GMDS: variants seen among roughly 807,000 people sequenced by gnomAD.
GMDS encodes the protein GDP-mannose 4,6-dehydratase.
GMDS carries 20 observed loss-of-function variants against 49.9 expected under a neutral mutation model. The observed-to-expected ratio is 0.40, with a 90% CI of 0.28 to 0.58. GMDS has a LOEUF of 0.58. Among genes scored for constraint, GMDS ranks in the 20% least tolerant of loss-of-function variants. The pLI is 0.42. For missense variants in GMDS, 362 were observed against 481.4 expected (o/e 0.75, Z 2.32); for synonymous variants, 177 against 178.6 (o/e 0.99, Z 0.07).
chr6:2,141,804 C>T (rs572328625), intron 1 of GMDS, among the ~76,000 whole-genome samples: 1 of 152,110 alleles, frequency 6.6e-6, no homozygotes, highest in South Asian at 2.1e-4. Flanking sequence ...AGGCCACTGA[C>T]TCAGCACGGC....
chr6:2,204,547 C>G (rs1362149623), intron 1 of GMDS, among the ~76,000 whole-genome samples: 1 of 152,160 alleles, frequency 6.6e-6, no homozygotes, highest in Non-Finnish European at 1.5e-5. Flanking sequence ...AGCTACTAAC[C>G]ACAAGTGGCT....
At chr6:2,102,266 A>G (rs1434753780) in intron 4 of GMDS, among the ~76,000 whole-genome samples, 1 of 152,182 alleles carries the variant, frequency 6.6e-6, no homozygotes, top group Non-Finnish European at 1.5e-5. Flanking sequence ...GCCCATTTAA[A>G]AATTATAAGC....
intron 1 of GMDS, among the ~76,000 whole-genome samples, chr6:2,242,924 G>A (rs2127603400): frequency 6.6e-6 from 1 of 152,310 alleles, no homozygotes; most frequent in African/African-American, 2.4e-5. Flanking sequence ...ACACCACAGT[G>A]CTCCAGAGAT....
At chr6:1,711,989 A>G (rs7746883) in intron 9 of GMDS, among the ~76,000 whole-genome samples, 37,174 of 151,984 alleles carry the variant, frequency 0.24, 5,104 homozygotes, top group African/African-American at 0.37. Context: ...ATTAACACCC[A>G]ACACTTCTCC....
chr6:2,239,103 C>T (rs1004225634), intron 1 of GMDS, among the ~76,000 whole-genome samples: 4 of 152,024 alleles, frequency 2.6e-5, no homozygotes, highest in South Asian at 2.1e-4. Flanking sequence ...CCAAGGTGGG[C>T]GGATGACTTG....
intron 4 of GMDS, among the ~76,000 whole-genome samples, chr6:2,102,741 C>T (rs933152051): frequency 2.0e-5 from 3 of 152,150 alleles, no homozygotes; most frequent in Admixed American, 1.3e-4. Context: ...CAAAAATGAC[C>T]TATAAAGAAA....
intron 7 of GMDS, among the ~76,000 whole-genome samples, chr6:1,824,630 C>A (rs1212225747): frequency 6.6e-6 from 1 of 152,036 alleles, no homozygotes; most frequent in Non-Finnish European, 1.5e-5. Flanking sequence ...GGATCCAAAC[C>A]CCAGCTCCAC....
chr6:1,868,855 A>G (rs1758573796), intron 7 of GMDS, among the ~76,000 whole-genome samples: 1 of 152,258 alleles, frequency 6.6e-6, no homozygotes, highest in South Asian at 2.1e-4. Flanking sequence ...ATTATTTGAA[A>G]TCAGAAAATT....
intron 7 of GMDS, among the ~76,000 whole-genome samples, chr6:1,825,197 T>C (rs1344863206): frequency 6.6e-6 from 1 of 152,230 alleles, no homozygotes; most frequent in Non-Finnish European, 1.5e-5. Context: ...AGCAACGCAT[T>C]GGCTGAGAAG....
chr6:2,120,244 G>T (rs1581677289), intron 2 of GMDS, among the ~76,000 whole-genome samples: 1 of 152,232 alleles, frequency 6.6e-6, no homozygotes, highest in Non-Finnish European at 1.5e-5. Context: ...TGTTGCCTGA[G>T]ATAACACAGC....
chr6:2,169,521 T>C (rs1777835103), intron 1 of GMDS, among the ~76,000 whole-genome samples: 1 of 149,722 alleles, frequency 6.7e-6, no homozygotes, highest in Non-Finnish European at 1.5e-5. Flanking sequence ...AGCTGGAGAA[T>C]CGATTGAACC....
chr6:1,930,897 T>G (rs1174869437), intron 6 of GMDS: 2 of 152,250 alleles, frequency 1.3e-5, no homozygotes, highest in Non-Finnish European at 2.9e-5. Context: ...CAAATTCATT[T>G]CAGTGTTATT....
intron 1 of GMDS, among the ~76,000 whole-genome samples, chr6:2,223,246 C>A (rs1780675468): frequency 6.6e-6 from 1 of 151,974 alleles, no homozygotes. Context: ...ATGGTGAATT[C>A]AAGAAACTAT....
intron 6 of GMDS, among the ~76,000 whole-genome samples, chr6:1,954,666 A>G (rs376238469): frequency 4.6e-5 from 7 of 152,218 alleles, no homozygotes; most frequent in African/African-American, 1.7e-4. Flanking sequence ...GCAGCTCCTC[A>G]TCAGTGAAAA....
chr6:1,873,036 G>A (rs1187490713), intron 7 of GMDS, among the ~76,000 whole-genome samples: 4 of 152,210 alleles, frequency 2.6e-5, no homozygotes, highest in African/African-American at 7.2e-5. Context: ...GTCAGTCTGC[G>A]TGAACTGTTT....
chr6:1,811,057 T>C (rs1770407312), intron 7 of GMDS, among the ~76,000 whole-genome samples: 1 of 152,110 alleles, frequency 6.6e-6, no homozygotes, highest in Non-Finnish European at 1.5e-5. Context: ...TCTGACAACA[T>C]GAAACAGAAT....
chr6:1,726,382 G>C (rs1019750904), intron 9 of GMDS, 34 bp downstream of exon 9: 1 of 1,407,474 alleles, frequency 7.1e-7, no homozygotes. Flanking sequence ...CCAGCCAAAT[G>C]TGGCCACGCA....
chr6:1,947,972 G>C (rs1763165169), intron 6 of GMDS, among the ~76,000 whole-genome samples: 2 of 152,210 alleles, frequency 1.3e-5, no homozygotes, highest in African/African-American at 4.8e-5. Context: ...TTGCGAGGTG[G>C]CACAAACTGA....
At chr6:2,029,048 C>T (rs1245988792) in intron 4 of GMDS, among the ~76,000 whole-genome samples, 1 of 150,770 alleles carries the variant, frequency 6.6e-6, no homozygotes, top group African/African-American at 2.4e-5. Context: ...AAGACCTTTA[C>T]CATACCTTTT....
Sources: allele counts gnomAD v4.1 joint callset (sites outside exome capture counted in the v4.1 genomes callset), GRCh38; gene constraint gnomAD v4.1.1; transcripts MANE v1.5; gene names NCBI Gene and HGNC (gene_info 2026-07-23, HGNC 2026-07-21).